RHOBTB1: variants seen among roughly 807,000 people sequenced by gnomAD.
The protein encoded by RHOBTB1 is Rho related BTB domain containing 1, also known as rho-related BTB domain-containing protein 1.
Under a neutral mutation model 71.6 loss-of-function variants are expected in RHOBTB1, and 40 were observed. The observed-to-expected ratio is 0.56, with a 90% confidence interval of 0.43 to 0.73. The LOEUF (loss-of-function observed/expected upper bound fraction) is 0.73. RHOBTB1 is among the 30% of genes least tolerant of loss of function. The probability of loss-of-function intolerance (pLI) is 0.00; values close to 1 mark genes in which losing one functional copy is unlikely to be tolerated. For synonymous variants in RHOBTB1, 319 were observed against 334.9 expected, an observed-to-expected ratio of 0.95 and a Z score of 0.52; for missense variants, 797 against 894.0, an observed-to-expected ratio of 0.89 and a Z score of 1.38.
Position 60,876,496 on chromosome 10 carries a change from C to T in RHOBTB1, c.1726+1412G>A, listed in dbSNP as rs544811096. On this transcript the variant is annotated intron_variant, in intron 8 of 10. Coordinates refer to ENST00000337910, the MANE Select transcript of RHOBTB1 (RefSeq NM_014836.5). ...GTACTAGTCTGAGATTGATCACAAA[C>T]CTTGTTGGGCAGATTTGGCTCCAAA... is the stretch of plus-strand genomic sequence containing the variant. Among the ~76,000 whole-genome samples the T allele has an allele frequency of 8.5e-5, 13 of 152,252 alleles. No individual in the cohort carries two copies. The East Asian group carries it at 2.3e-3, about 27-fold the overall frequency.
intron 4 of RHOBTB1, among the ~76,000 whole-genome samples, chr10:60,897,888 T>C (rs551062906): frequency 4.6e-5 from 7 of 152,164 alleles, no homozygotes; most frequent in Admixed American, 1.3e-4. Flanking sequence ...GTATTTTTAG[T>C]AGAGATGGGG....
chr10:60,907,888 T>G (rs2082759132), intron 4 of RHOBTB1, among the ~76,000 whole-genome samples: 1 of 152,058 alleles, frequency 6.6e-6, no homozygotes, highest in South Asian at 2.1e-4. Context: ...TTGGGCAAAT[T>G]TATGGTAGTA....
chr10:60,862,386 T>C, the RHOBTB1 span, among the ~76,000 whole-genome samples: 1 of 151,896 alleles, frequency 6.6e-6, no homozygotes, highest in Non-Finnish European at 1.5e-5. Context: ...TTAGTAGAGA[T>C]AGCGTTTCAC....
chr10:60,887,345 T>C (rs980324451), intron 6 of RHOBTB1, among the ~76,000 whole-genome samples: 1 of 152,148 alleles, frequency 6.6e-6, no homozygotes, highest in African/African-American at 2.4e-5. Context: ...CTGGCAGGGA[T>C]TATAAAAGAT....
chr10:60,904,776 T>C (rs1028550893), intron 4 of RHOBTB1, among the ~76,000 whole-genome samples: 1 of 152,230 alleles, frequency 6.6e-6, no homozygotes, highest in African/African-American at 2.4e-5. Context: ...AGTTTTAACC[T>C]AACCTCTTAG....
rs775826533 is a variant in RHOBTB1, at chr10:60,871,587, G to A, written c.1986C>T (p.His662=). 23 of 1,613,966 alleles carry A rather than the reference G, an allele frequency of 1.4e-5. No homozygotes were observed. Among genetic ancestry groups the A allele is most frequent in the Non-Finnish European group, 1.9e-5 (23 of 1,179,998 alleles). The change falls in exon 11 of 11, where the codon CAC becomes CAT. Residue 662 remains histidine, a synonymous_variant. Transcript: ENST00000337910. Reference sequence around the variant, plus strand: ...CTCGTTCCCTTTTCACACGCTGGTAGTGATCTTCTTCCTTCAGGTACCACA... The same window carrying A: ...CTCGTTCCCTTTTCACACGCTGGTAATGATCTTCTTCCTTCAGGTACCACA... ...PPVWYLKEED[H]YQRVKREREK... is the part of the protein sequence containing the mutation.
At chr10:60,923,837 C>A (rs138240504) in intron 2 of RHOBTB1, among the ~76,000 whole-genome samples, 1 of 152,146 alleles carries the variant, frequency 6.6e-6, no homozygotes, top group African/African-American at 2.4e-5. Context: ...TCCTTGTCTG[C>A]CTCTCACCTT....
In RHOBTB1 at chr10:60,962,955, C is replaced by T. The variant is rs1181831516; in HGVS notation, c.-61-21101G>A. The stretch of plus-strand genomic sequence containing the variant: ...CTAGAGTTAGAATATCATAAATAAT[C>T]CCCAGCCATGTTGTTAGGACTGAAA... On this transcript the variant is annotated intron_variant, in intron 2 of 11. Transcript: ENST00000357917. Among the ~76,000 whole-genome samples, 30 of 152,264 alleles carry T rather than the reference C, an allele frequency of 2.0e-4. 2 individuals carry two copies. Among genetic ancestry groups the T allele is most frequent in the Admixed American group, 1.6e-3 (25 of 15,288 alleles).
chr10:60,864,255 C>T, the RHOBTB1 span, among the ~76,000 whole-genome samples: 5 of 152,218 alleles, frequency 3.3e-5, no homozygotes, highest in African/African-American at 9.6e-5. Flanking sequence ...CCATAAGGCG[C>T]GGTTGTGGGA....
At chr10:60,935,535 C>A (rs747241044) in intron 2 of RHOBTB1, among the ~76,000 whole-genome samples, 1 of 151,880 alleles carries the variant, frequency 6.6e-6, no homozygotes, top group African/African-American at 2.4e-5. Flanking sequence ...AAACTGTGGG[C>A]TCTAAGTTCT....
Position 60,892,946 on chromosome 10 carries a change from T to G in RHOBTB1, c.346A>C (p.Asn116His). 1 of 1,614,068 alleles carries G rather than the reference T, an allele frequency of 6.2e-7. No homozygotes were observed. The highest frequency in any genetic ancestry group is 2.2e-5 in the East Asian group (1 of 44,884). ...GGATACCACATGCTTTTCACATGATTTAGGGAATTGGGATTAGCAATCGAA... is the reference window on the plus strand; with the variant it reads ...GGATACCACATGCTTTTCACATGATGTAGGGAATTGGGATTAGCAATCGAA... The part of the protein sequence containing the change: ...CFSIANPNSL[N>H]HVKSMWYPEI... Residue 116 changes from asparagine to histidine, a missense_variant, in exon 5 of 11, where the codon AAT (asparagine) becomes CAT (histidine). This residue lies in a region of RHOBTB1 where 139 missense variants were observed against 212.5 expected (regional missense o/e 0.65). Transcript: ENST00000337910.
chr10:60,999,960 A>C (rs2087199702), intron 1 of RHOBTB1, among the ~76,000 whole-genome samples: 1 of 152,234 alleles, frequency 6.6e-6, no homozygotes, highest in Admixed American at 6.5e-5. Context: ...ATGTGAACTG[A>C]ACTCGTTATT....
Position 60,897,397 on chromosome 10 carries a change from G to A in RHOBTB1, c.297-4402C>T, listed in dbSNP as rs534423413. Among the ~76,000 whole-genome samples, 4 of 152,270 alleles carry A rather than the reference G, an allele frequency of 2.6e-5. No individual in the cohort carries two copies. In the South Asian group the frequency reaches 8.3e-4, roughly 32 times the overall value. On this transcript the variant is annotated intron_variant, in intron 4 of 10. Coordinates refer to ENST00000337910, the MANE Select transcript of RHOBTB1 (RefSeq NM_014836.5). ...AATTCTTTCCTGTCACAAAAGTACT[G>A]TCTTCTTAGTTTGACTTTCCTTTTC...
chr10:60,863,601 C>T, the RHOBTB1 span, among the ~76,000 whole-genome samples: 1 of 152,038 alleles, frequency 6.6e-6, no homozygotes. Flanking sequence ...GACATAATCT[C>T]AGCTCACTGG....
intron 4 of RHOBTB1, among the ~76,000 whole-genome samples, chr10:60,905,473 A>T (rs867423304): frequency 7.3e-5 from 11 of 150,772 alleles, no homozygotes; most frequent in African/African-American, 2.7e-4. Flanking sequence ...AAAAAAAAAA[A>T]AATTCAAATT....
At chr10:60,979,958 G>C (rs1295936346) in intron 2 of RHOBTB1, among the ~76,000 whole-genome samples, 5 of 152,172 alleles carry the variant, frequency 3.3e-5, no homozygotes, top group African/African-American at 9.7e-5. Context: ...CTGGCAGGGT[G>C]GCTGGAATAT....
chr10:60,913,437 T>C (rs1352841409), intron 2 of RHOBTB1, among the ~76,000 whole-genome samples: 1 of 152,232 alleles, frequency 6.6e-6, no homozygotes, highest in African/African-American at 2.4e-5. Context: ...CCAATTCTGA[T>C]GATCGGCCAG....
intron 7 of RHOBTB1, among the ~76,000 whole-genome samples, chr10:60,882,914 A>G (rs1469933991): frequency 1.3e-5 from 2 of 152,198 alleles, no homozygotes; most frequent in African/African-American, 2.4e-5. Context: ...TTTATTGAAC[A>G]TTTGTATGTT....
chr10:60,990,208 C>T (rs903695529), intron 1 of RHOBTB1, among the ~76,000 whole-genome samples: 1 of 152,068 alleles, frequency 6.6e-6, no homozygotes, highest in Admixed American at 6.5e-5. Context: ...TGGTCTCGAT[C>T]TCCTGACCTC....
Sources: gnomAD v4.1 joint callset for allele counts (sites outside exome capture counted in the v4.1 genomes callset) on GRCh38, gnomAD v4.1.1 for gene constraint, gnomAD v4.1.1 regional missense constraint, MANE v1.5 for transcripts, NCBI Gene and HGNC (gene_info 2026-07-23, HGNC 2026-07-21) for gene names.